HSPG2: variants seen among roughly 807,000 people sequenced by gnomAD.
The protein encoded by HSPG2 is basement membrane-specific heparan sulfate proteoglycan core protein.
HSPG2 carries 278 observed loss-of-function variants against 526.6 expected under a neutral mutation model. The ratio of observed to expected loss-of-function variants is 0.53; its 90% confidence interval spans 0.48 to 0.58. The LOEUF (loss-of-function observed/expected upper bound fraction) is 0.58, where lower values mean the gene tolerates loss of function less well. Among genes scored for constraint, HSPG2 ranks in the 20% least tolerant of loss-of-function variants. The pLI is 0.00. For synonymous variants in HSPG2, 2,465 were observed against 2,555.4 expected, an observed-to-expected ratio of 0.96 and a Z score of 1.07; for missense variants, 5,354 against 6,099.5, an observed-to-expected ratio of 0.88 and a Z score of 4.07.
intron 63 of HSPG2, 67 bp downstream of exon 63, chr1:21,846,381 T>C: frequency 6.2e-7 from 1 of 1,611,448 alleles, no homozygotes; most frequent in Non-Finnish European, 8.5e-7. Context: ...TAGGTCTCCC[T>C]CTTGGCAAAG....
At chr1:21,880,071 T>C (rs1344178010) in intron 17 of HSPG2, 36 bp downstream of exon 17, 3 of 1,612,300 alleles carry the variant, frequency 1.9e-6, no homozygotes, top group East Asian at 2.2e-5. Flanking sequence ...TCCCTTCTCC[T>C]ATTTTAGTGT....
rs1371270117 is a variant in HSPG2, at chr1:21,822,763, AGGTGGGTGGG to A, written c.*543_*552del. The A allele has an allele frequency of 1.8e-5, 2 of 114,114 alleles. No individual in the cohort carries two copies. Among genetic ancestry groups the A allele is most frequent in the Non-Finnish European group, 3.6e-5 (2 of 54,972 alleles). 7.1% of individuals were successfully genotyped at this position (114,114 alleles called of 1,614,324 possible). On this transcript the variant is annotated 3_prime_UTR_variant, in exon 97 of 97. Coordinates refer to ENST00000374695, the MANE Select transcript of HSPG2 (RefSeq NM_005529.7). ...AGAGGAGGTGCCAGGGGCTGGGTGG[AGGTGGGTGGG>A]GGTGCTGAAAAACGAGCTGGTGGGG...
At position 21,823,615 on chromosome 1, in the gene HSPG2, C is replaced by G; in HGVS notation, c.13003+1G>C. On this transcript the variant is annotated splice_donor_variant, in intron 96 of 96. Transcript: ENST00000374695. LOFTEE classifies it high-confidence loss of function. ...GCCCTGAGAAGGAGCCCCAGACTTACCGATGTAGACGCTGCCCTTGGCGTT... is the reference window on the plus strand; with the variant it reads ...GCCCTGAGAAGGAGCCCCAGACTTAGCGATGTAGACGCTGCCCTTGGCGTT... 1 of 1,613,384 alleles carries G rather than the reference C, an allele frequency of 6.2e-7. No individual in the cohort carries two copies. The highest frequency in any genetic ancestry group is 1.1e-5 in the South Asian group (1 of 91,076).
At position 21,831,780 on chromosome 1, in the gene HSPG2, C is replaced by G. The variant is rs1013875419; in HGVS notation, c.11224G>C (p.Gly3742Arg). ...GTGGGATGGCGGATGGTGGCCATGC[C>G]TGAGCCTGCATCGAACCTGCTCCGT... ...RPEFRFDAGS[G>R]MATIRHPTPL... The change falls in exon 82 of 97, where the codon GGC (glycine) becomes CGC (arginine). Residue 3742 changes from glycine to arginine, a missense_variant. By Grantham distance (125) the Gly-to-Arg change is moderately radical (BLOSUM62 -2). Transcript: ENST00000374695. 31 of 1,602,084 alleles carry G rather than the reference C, an allele frequency of 1.9e-5. No individual in the cohort carries two copies. Among genetic ancestry groups the G allele is most frequent in the Non-Finnish European group, 2.6e-5 (31 of 1,171,952 alleles).
chr1:21,834,564 G>A (rs967910868), intron 77 of HSPG2, 115 bp downstream of exon 77: 3 of 1,296,574 alleles, frequency 2.3e-6, no homozygotes, highest in Non-Finnish European at 3.2e-6. Flanking sequence ...ACACACAATG[G>A]AAAATGTCCC....
intron 44 of HSPG2, among the ~76,000 whole-genome samples, chr1:21,856,135 C>G (rs981736675): frequency 2.0e-5 from 3 of 152,116 alleles, no homozygotes; most frequent in African/African-American, 7.2e-5. Context: ...ATCCAAAATT[C>G]CTACCCTGAT....
rs958038076 is a variant in HSPG2 at position 21,846,196 on chromosome 1, C to T, written c.8376G>A (p.Val2792=). ...GGCCAGAGCTGCCCATCACCCGGCA[C>T]ACGTATTCACCCGAGTCGGCCGGGG... ...HVSPADSGEY[V]CRVMGSSGPL... Residue 2792 remains valine (V), a synonymous_variant, in exon 64 of 97, where the codon GTG becomes GTA. Transcript: ENST00000374695. 5.6e-6 allele frequency: 9 copies of T among 1,612,992 alleles called. No individual in the cohort carries two copies. The highest frequency in any genetic ancestry group is 7.6e-6 in the Non-Finnish European group (9 of 1,180,026).
chr1:21,837,004 G>C lies in HSPG2; in HGVS notation c.10153C>G (p.Pro3385Ala), dbSNP rs1176320851. The C allele has an allele frequency of 6.5e-7, 1 of 1,548,676 alleles. No individual in the cohort carries two copies. The highest frequency in any genetic ancestry group is 2.4e-5 in the East Asian group (1 of 41,022). Reference sequence around the variant, plus strand: ...GAGGTGGCAGGGAGAGAGCCGGGAGGGCCTGCGGGGACATGTATGAGGTTC... The same window carrying C: ...GAGGTGGCAGGGAGAGAGCCGGGAGCGCCTGCGGGGACATGTATGAGGTTC... The part of the protein sequence containing the change: ...EAFAQLLVQG[P>A]PGSLPATSIP... The change falls in exon 75 of 97, where the codon CCT (proline) becomes GCT (alanine). Residue 3385 changes from proline to alanine, a missense_variant and splice_region_variant. By Grantham distance (27) the Pro-to-Ala change is conservative. Coordinates refer to ENST00000374695, the MANE Select transcript of HSPG2 (RefSeq NM_005529.7).
rs1638544864 is a variant in HSPG2 at position 21,847,628 on chromosome 1, C to T, written c.8025+61G>A. The T allele has an allele frequency of 4.4e-6, 7 of 1,603,954 alleles. No homozygotes were observed. Among genetic ancestry groups the T allele is most frequent in the Non-Finnish European group, 5.1e-6 (6 of 1,174,918 alleles). ...GGGCCCAATCCGTGAGACAGGGAGC[C>T]TGCTCTGCTCACCCCAGGAGACCAT... On this transcript the variant is annotated intron_variant, in intron 61 of 96. Transcript: ENST00000374695. The surrounding 1 kb of genome is among the most constrained non-coding windows in gnomAD (Gnocchi z 4.1).
chr1:21,907,345 C>G (rs1306464044), intron 1 of HSPG2, among the ~76,000 whole-genome samples: 2 of 152,136 alleles, frequency 1.3e-5, no homozygotes, highest in African/African-American at 2.4e-5. Context: ...GGGCTCCCAA[C>G]CAGCTCTGCT....
At chr1:21,856,729 G>A (rs1262141529) in intron 44 of HSPG2, among the ~76,000 whole-genome samples, 1 of 152,140 alleles carries the variant, frequency 6.6e-6, no homozygotes, top group Non-Finnish European at 1.5e-5. Flanking sequence ...CTCCCACCTT[G>A]TTTCTTGCTT....
At chr1:21,867,734 T>G (rs571147544) in intron 33 of HSPG2, among the ~76,000 whole-genome samples, 4 of 152,234 alleles carry the variant, frequency 2.6e-5, no homozygotes, top group African/African-American at 9.6e-5. Context: ...CTATTCTTTT[T>G]TTTGTTTGTT....
At position 21,844,228 on chromosome 1, in the gene HSPG2, G is replaced by A. The variant is rs1350546432; in HGVS notation, c.8536C>T (p.Leu2846=). ...GCCTGCCCGGGCACCACGCACTTCAGATCCAGGGTCTGCCCTTCTGCCACT... is the reference window on the plus strand; with the variant it reads ...GCCTGCCCGGGCACCACGCACTTCAAATCCAGGGTCTGCCCTTCTGCCACT... ...SRVAEGQTLD[L]KCVVPGQAHA... is the part of the protein sequence containing the mutation. The change falls in exon 65 of 97, where the codon CTG becomes TTG. Residue 2846 remains leucine, a synonymous_variant. Coordinates refer to ENST00000374695, the MANE Select transcript of HSPG2 (RefSeq NM_005529.7). 4 of 1,613,844 alleles carry A rather than the reference G, an allele frequency of 2.5e-6. No homozygotes were observed. The highest frequency in any genetic ancestry group is 3.4e-6 in the Non-Finnish European group (4 of 1,180,042).
In HSPG2 at chr1:21,865,358, T is replaced by C. The variant is rs770392408; in HGVS notation, c.4322A>G (p.Asn1441Ser). Residue 1441 changes from asparagine to serine, a missense_variant, in exon 35 of 97, where the codon AAC becomes AGC. Transcript: ENST00000374695. This position sits in a 1 kb window ranked among gnomAD's most constrained non-coding sequence, Gnocchi z 5.4. The part of the protein sequence containing the change: ...SDPDVQITGN[N>S]IMLVASQPAL... ...TGGCTGGGAGGCCACTAGCATGATG[T>C]TGTTGCCCTGGAAAGACACCAGCAG... 4 of 1,613,974 alleles carry C rather than the reference T, an allele frequency of 2.5e-6. No homozygotes were observed. In the South Asian group the frequency reaches 3.3e-5, roughly 13 times the overall value.
rs142598196 is a variant in HSPG2 at position 21,832,517 on chromosome 1, C to G, written c.11185G>C (p.Val3729Leu). Reference protein sequence around the residue: ...RQPDFISFGLVGGRPEFRFDA... With the variant: ...RQPDFISFGLLGGRPEFRFDA... ...CACCGGAACTCGGGCCTTCCCCCCACGAGGCCGAAGGAGATGAAGTCGGGC... is the reference window on the plus strand; with the variant it reads ...CACCGGAACTCGGGCCTTCCCCCCAGGAGGCCGAAGGAGATGAAGTCGGGC... Residue 3729 changes from valine (V) to leucine (L), a missense_variant, in exon 81 of 97, where the codon GTG (valine) becomes CTG (leucine). By Grantham distance (32) the Val-to-Leu change is conservative. Coordinates refer to ENST00000374695, the MANE Select transcript of HSPG2 (RefSeq NM_005529.7). The G allele has an allele frequency of 1.1e-5, 17 of 1,614,020 alleles. No individual in the cohort carries two copies. Among genetic ancestry groups the G allele is most frequent in the Admixed American group, 1.7e-5 (1 of 60,010 alleles).
At chr1:21,869,144 C>G (rs1640461429) in intron 33 of HSPG2, among the ~76,000 whole-genome samples, 6 of 152,186 alleles carry the variant, frequency 3.9e-5, no homozygotes. Context: ...CTTTGGACGA[C>G]TTTCTTCCCA....
At chr1:21,918,223 G>C (rs530720182) in intron 1 of HSPG2, among the ~76,000 whole-genome samples, 11 of 152,248 alleles carry the variant, frequency 7.2e-5, no homozygotes, top group African/African-American at 2.6e-4. Context: ...TCAGCACTTT[G>C]GGAGGCCGAG....
Position 21,848,602 on chromosome 1 carries a change from G to A in HSPG2, c.7737+41C>T, listed in dbSNP as rs770317534. On this transcript the variant is annotated intron_variant, in intron 59 of 96. Coordinates refer to ENST00000374695, the MANE Select transcript of HSPG2 (RefSeq NM_005529.7). This position sits in a 1 kb window ranked among gnomAD's most constrained non-coding sequence, Gnocchi z 4.9. ...TCCCCCCTCTTCCCATTGGGGGCTGGTGTGCCCTGCTTTTGCCCTCCCCAC... is the reference window on the plus strand; with the variant it reads ...TCCCCCCTCTTCCCATTGGGGGCTGATGTGCCCTGCTTTTGCCCTCCCCAC... The A allele has an allele frequency of 4.3e-6, 7 of 1,610,842 alleles. No individual in the cohort carries two copies. The highest frequency in any genetic ancestry group is 2.5e-6 in the Non-Finnish European group (3 of 1,178,860).
rs575957526 is a variant in HSPG2, at chr1:21,891,610, CT to C, written c.245-917del. Among the ~76,000 whole-genome samples, 83 of 149,294 alleles carry C rather than the reference CT, an allele frequency of 5.6e-4. No individual in the cohort carries two copies. The East Asian group carries it at 0.017, about 31-fold the overall frequency. On this transcript the variant is annotated intron_variant, in intron 3 of 96. Coordinates refer to ENST00000374695, the MANE Select transcript of HSPG2 (RefSeq NM_005529.7). ...GACTGGTGTGAACATACACATGCAT[CT>C]GTTGTTTCTTTTTTTTTTAGGCAGG...
Sources: gnomAD v4.1 joint callset for allele counts (sites outside exome capture counted in the v4.1 genomes callset) on GRCh38, gnomAD v4.1.1 for gene constraint, Gnocchi (gnomAD v3.1) non-coding constraint, MANE v1.5 for transcripts, NCBI Gene and HGNC (gene_info 2026-07-23, HGNC 2026-07-21) for gene names.